SLC5A8: variants seen among roughly 807,000 people sequenced by gnomAD.
SLC5A8 encodes the protein sodium-coupled monocarboxylate transporter 1.
Under a neutral mutation model 71.9 loss-of-function variants are expected in SLC5A8, and 55 were observed. That is an observed-to-expected ratio of 0.77 (90% CI 0.62 to 0.96). SLC5A8 has a LOEUF of 0.96. Among genes scored for constraint, SLC5A8 ranks in the 40% least tolerant of loss-of-function variants. The pLI, the probability that SLC5A8 is intolerant of heterozygous loss-of-function variation, is 0.00. For synonymous variants in SLC5A8, 307 were observed against 276.1 expected, an observed-to-expected ratio of 1.11 and a Z score of -1.11; for missense variants, 701 against 745.3, an observed-to-expected ratio of 0.94 and a Z score of 0.69.
chr12:101,195,467 A>C (rs1869128426), intron 3 of SLC5A8, among the ~76,000 whole-genome samples: 1 of 152,162 alleles, frequency 6.6e-6, no homozygotes, highest in African/African-American at 2.4e-5. Flanking sequence ...GGTATTTCTT[A>C]TCTCTCTCCC....
At position 101,190,614 on chromosome 12, in the gene SLC5A8, T is replaced by C; in HGVS notation, c.693-6A>G. 6.3e-7 allele frequency: 1 copy of C among 1,591,138 alleles called. No individual in the cohort carries two copies. Among genetic ancestry groups the C allele is most frequent in the Admixed American group, 1.9e-5 (1 of 53,192 alleles). On this transcript the variant is annotated splice_region_variant and splice_polypyrimidine_tract_variant and intron_variant, in intron 5 of 14. Transcript: ENST00000536262. Reference sequence around the variant, plus strand: ...GCAAAGGGTTAGGATTAAAACTAAATGACAAGAAACAGAAAACAAATCTGA... The same window carrying C: ...GCAAAGGGTTAGGATTAAAACTAAACGACAAGAAACAGAAAACAAATCTGA...
intron 7 of SLC5A8, among the ~76,000 whole-genome samples, chr12:101,186,706 G>A (rs1483621657): frequency 1.3e-5 from 2 of 152,152 alleles, no homozygotes; most frequent in Admixed American, 6.5e-5. Context: ...CTACATCAGA[G>A]GGTGACTGTG....
intron 3 of SLC5A8, chr12:101,199,192 G>C (rs572808087): frequency 6.6e-6 from 1 of 152,048 alleles, no homozygotes; most frequent in South Asian, 2.1e-4. Flanking sequence ...CTAAGAAATA[G>C]TAAAAGACCT....
At position 101,161,990 on chromosome 12, in the gene SLC5A8, A is replaced by G. The variant is rs1356087575; in HGVS notation, c.1614T>C (p.Leu538=). ...GATAGTTACCTGTTGATAAACTGAC[A>G]AGTATCCCCACTAATAATGTTACCA... The part of the protein sequence containing the change: ...GTLVTLLVGI[L]VSLSTGGRKQ... The change falls in exon 13 of 15, where the codon CTT becomes CTC. Residue 538 remains leucine (L), a synonymous_variant. Coordinates refer to ENST00000536262, the MANE Select transcript of SLC5A8 (RefSeq NM_145913.5). 5.0e-6 allele frequency: 8 copies of G among 1,611,352 alleles called. No homozygotes were observed. Among genetic ancestry groups the G allele is most frequent in the Non-Finnish European group, 6.8e-6 (8 of 1,177,592 alleles).
At chr12:101,202,806 G>T (rs752640018) in intron 2 of SLC5A8, among the ~76,000 whole-genome samples, 1 of 152,090 alleles carries the variant, frequency 6.6e-6, no homozygotes, top group Non-Finnish European at 1.5e-5. Flanking sequence ...GGGTACAGTA[G>T]TGAGTAAGAT....
chr12:101,167,104 C>T (rs55660672), intron 11 of SLC5A8, among the ~76,000 whole-genome samples: 12,237 of 152,202 alleles, frequency 0.08, 536 homozygotes, highest in Non-Finnish European at 0.09. Flanking sequence ...AGGAAATACA[C>T]GCTGGCAACA....
At position 101,168,122 on chromosome 12, in the gene SLC5A8, TG is replaced by T; in HGVS notation, c.1293del (p.Ile432PhefsTer15). The T allele has an allele frequency of 6.2e-7, 1 of 1,609,858 alleles. No homozygotes were observed. The highest frequency in any genetic ancestry group is 1.3e-5 in the African/African-American group (1 of 75,014). On this transcript the variant is annotated frameshift_variant, in exon 11 of 15. Transcript: ENST00000536262. LOFTEE classifies it high-confidence loss of function. ...GGPLMGLFALGILVPFANSIG... is the reference protein window; with the variant it reads ...GGPLMGLFALXILVPFANSIG... ...ATTGAGTTGGCAAAGGGAACCAAAATGCCCAAAGCGAACAGGCCCATAAGTG... is the reference window on the plus strand; with the variant it reads ...ATTGAGTTGGCAAAGGGAACCAAAATCCCAAAGCGAACAGGCCCATAAGTG...
At chr12:101,200,215 T>C (rs1037184612) in intron 3 of SLC5A8, among the ~76,000 whole-genome samples, 15 of 151,834 alleles carry the variant, frequency 9.9e-5, no homozygotes, top group African/African-American at 3.6e-4. Context: ...GAAAATGATT[T>C]CTTGGGCCCA....
At chr12:101,193,908 A>C in intron 4 of SLC5A8, 129 bp from the exon 5 acceptor site, 5 of 901,996 alleles carry the variant, frequency 5.5e-6, no homozygotes, top group Non-Finnish European at 8.2e-6. Context: ...CTCAAGGGAA[A>C]CAGTCAGGTT....
intron 11 of SLC5A8, 70 bp from the exon 12 acceptor site, chr12:101,166,769 A>G: frequency 2.1e-6 from 3 of 1,401,554 alleles, no homozygotes; most frequent in African/African-American, 2.9e-5. Context: ...AATATTAGAA[A>G]GCCAAGTTCA....
chr12:101,163,996 T>C (rs1275866883), intron 12 of SLC5A8, among the ~76,000 whole-genome samples: 2 of 152,160 alleles, frequency 1.3e-5, no homozygotes, highest in Non-Finnish European at 2.9e-5. Context: ...ATGGAAATGG[T>C]TAACAATAAA....
At chr12:101,166,457 T>G (rs932975355) in intron 12 of SLC5A8, 37 bp downstream of exon 12, 9 of 1,561,186 alleles carry the variant, frequency 5.8e-6, no homozygotes, top group Non-Finnish European at 4.3e-6. Flanking sequence ...TTGCGTAAAT[T>G]TTTTAAAGTA....
At chr12:101,167,564 G>A (rs2051785475) in intron 11 of SLC5A8, among the ~76,000 whole-genome samples, 1 of 152,208 alleles carries the variant, frequency 6.6e-6, no homozygotes, top group South Asian at 2.1e-4. Context: ...TGTCTAGGTA[G>A]AAGGACAGAG....
chr12:101,198,553 C>T (rs1869297462), intron 3 of SLC5A8, among the ~76,000 whole-genome samples: 1 of 151,690 alleles, frequency 6.6e-6, no homozygotes, highest in Admixed American at 6.6e-5. Flanking sequence ...GAAGCATTCC[C>T]TAAAAAATAC....
At chr12:101,172,553 T>A (rs571440955) in intron 10 of SLC5A8, among the ~76,000 whole-genome samples, 1 of 152,106 alleles carries the variant, frequency 6.6e-6, no homozygotes, top group East Asian at 1.9e-4. Context: ...GTGAGGGGTG[T>A]GAGAAGGCCA....
chr12:101,193,465 G>A (rs1276241572), intron 5 of SLC5A8, among the ~76,000 whole-genome samples, 160 bp downstream of exon 5: 1 of 152,170 alleles, frequency 6.6e-6, no homozygotes, highest in African/African-American at 2.4e-5. Flanking sequence ...AAGAACAGAG[G>A]GAGGCTCCTT....
intron 10 of SLC5A8, among the ~76,000 whole-genome samples, chr12:101,171,174 T>C (rs1043595665): frequency 6.6e-6 from 1 of 152,166 alleles, no homozygotes; most frequent in Non-Finnish European, 1.5e-5. Context: ...AGGTGTTTTG[T>C]TCACAAAGAG....
rs750721928 is a variant in SLC5A8 at position 101,166,560 on chromosome 12, G to A, written c.1460C>T (p.Thr487Ile). 7.4e-6 allele frequency: 12 copies of A among 1,613,810 alleles called. No homozygotes were observed. The highest frequency in any genetic ancestry group is 1.0e-5 in the Non-Finnish European group (12 of 1,179,944). The change falls in exon 12 of 15, where the codon ACA becomes ATA. Residue 487 changes from threonine to isoleucine, a missense_variant. Coordinates refer to ENST00000536262, the MANE Select transcript of SLC5A8 (RefSeq NM_145913.5). ...CATTTCTGTGGTTGTCATCAAATTT[G>A]TCTCATTGTAGGTGCTGTTACAGCC... ...IQGCNSTYNE[T>I]NLMTTTEMPF...
In SLC5A8 at chr12:101,160,580, G is replaced by A. The variant is rs570230576; in HGVS notation, c.1630+1394C>T. ...GGCTGCTATGGATGCATACATGTGA[G>A]GGGATGTAGGGAGTCAGGGAGCCCA... On this transcript the variant is annotated intron_variant, in intron 13 of 14. Transcript: ENST00000536262. Among the ~76,000 whole-genome samples the A allele has an allele frequency of 7.2e-5, 11 of 152,226 alleles. 1 individual carries two copies. Among genetic ancestry groups the A allele is most frequent in the African/African-American group, 2.4e-4 (10 of 41,554 alleles).
Sources: gnomAD v4.1 joint callset for allele counts (sites outside exome capture counted in the v4.1 genomes callset) on GRCh38, gnomAD v4.1.1 for gene constraint, MANE v1.5 for transcripts, NCBI Gene and HGNC (gene_info 2026-07-23, HGNC 2026-07-21) for gene names.